Variants in PLXND1 observed in about 807,000 individuals in gnomAD.
PLXND1 encodes plexin-D1.
PLXND1 carries 54 observed loss-of-function variants against 197.7 expected under a neutral mutation model. That is an observed-to-expected ratio of 0.27 (90% CI 0.22 to 0.34). The LOEUF (loss-of-function observed/expected upper bound fraction) is 0.34. Ranked by LOEUF, PLXND1 falls within the 10% of genes least tolerant of loss-of-function variation. The probability of loss-of-function intolerance (pLI) is 1.00; values close to 1 mark genes in which losing one functional copy is unlikely to be tolerated. For missense variants in PLXND1, 2,127 were observed against 2,699.2 expected, an observed-to-expected ratio of 0.79 and a Z score of 4.70; for synonymous variants, 1,180 against 1,161.2, an observed-to-expected ratio of 1.02 and a Z score of -0.33.
Position 129,571,757 on chromosome 3 carries a change from G to T in PLXND1, c.3165C>A (p.Gly1055=), listed in dbSNP as rs142600075. ...VPVCVRFERR[G]CVHGNLTFWY... Reference sequence around the variant, plus strand: ...AGAAGGTGAGGTTGCCGTGCACGCAGCCCCGACGCTCGAAGCGCACACACA... The same window carrying T: ...AGAAGGTGAGGTTGCCGTGCACGCATCCCCGACGCTCGAAGCGCACACACA... The change falls in exon 16 of 36, where the codon GGC becomes GGA. Residue 1055 remains glycine (G), a synonymous_variant. Coordinates refer to ENST00000324093, the MANE Select transcript of PLXND1 (RefSeq NM_015103.3). The T allele has an allele frequency of 4.3e-6, 7 of 1,613,216 alleles. No homozygotes were observed. In the African/African-American group the frequency reaches 9.3e-5, roughly 22 times the overall value.
Position 129,575,334 on chromosome 3 carries a change from C to CTG in PLXND1, c.2530+133_2530+134dup, listed in dbSNP as rs1232065005. Reference sequence around the variant, plus strand: ...GGCATGGCAGGGCTGGGATATGAGGCTGTGTGTGTGCTGGAGAACAATGGG... The same window carrying CTG: ...GGCATGGCAGGGCTGGGATATGAGGCTGTGTGTGTGTGCTGGAGAACAATGGG... On this transcript the variant is annotated intron_variant, in intron 11 of 35. Transcript: ENST00000324093. 8 of 640,592 alleles carry CTG rather than the reference C, an allele frequency of 1.2e-5. No homozygotes were observed. In the African/African-American group the frequency reaches 1.4e-4, roughly 12 times the overall value. The allele number at this position is 640,592 out of a possible 1,614,324, so 39.7% of individuals were successfully genotyped here. A position where few individuals can be genotyped will look rare whatever the true frequency, so the allele number is the denominator to read the frequency against.
chr3:129,606,084 G>T lies in PLXND1; in HGVS notation c.556C>A (p.His186Asn). 20 of 1,555,990 alleles carry T rather than the reference G, an allele frequency of 1.3e-5. No homozygotes were observed. The highest frequency in any genetic ancestry group is 1.6e-5 in the Non-Finnish European group (19 of 1,156,950). The change falls in exon 1 of 36, where the codon CAC (histidine) becomes AAC (asparagine). Residue 186 changes from histidine (H) to asparagine (N), a missense_variant. By Grantham distance (68) the His-to-Asn change is moderately conservative. This residue lies in a region of PLXND1 where 2 missense variants were observed against 16.7 expected (regional missense o/e 0.12). Transcript: ENST00000324093. ...FPSMLNVAAN[H>N]PNASTVGLVL... is the part of the protein sequence containing the mutation. Reference sequence around the variant, plus strand: ...AGCCCCACGGTGGACGCGTTCGGGTGGTTGGCCGCCACGTTCAGCATGCTG... The same window carrying T: ...AGCCCCACGGTGGACGCGTTCGGGTTGTTGGCCGCCACGTTCAGCATGCTG...
Position 129,567,234 on chromosome 3 carries a change from C to A in PLXND1, c.4086+258G>T, listed in dbSNP as rs369156140. Among the ~76,000 whole-genome samples the A allele has an allele frequency of 1.2e-4, 19 of 152,214 alleles. No homozygotes were observed. In the East Asian group the frequency reaches 3.3e-3, roughly 26 times the overall value. ...CACCTTGAAAAGGGGAGAGGCAGGC[C>A]CAGCTGGCCAGGACAGCGGGGCTGC... On this transcript the variant is annotated intron_variant, in intron 22 of 35. Transcript: ENST00000324093.
rs372959593 is a variant in PLXND1, at chr3:129,572,834, C to A, written c.2937+8G>T. 4 of 1,612,858 alleles carry A rather than the reference C, an allele frequency of 2.5e-6. No homozygotes were observed. The African/African-American group carries it at 5.3e-5, about 22-fold the overall frequency. ...CGGGCCGGACAGTGGGCTGCAGCCC[C>A]CCCTTACCACGTAGGAGAAGCGGTC... On this transcript the variant is annotated splice_region_variant and intron_variant, in intron 14 of 35. Coordinates refer to ENST00000324093, the MANE Select transcript of PLXND1 (RefSeq NM_015103.3).
In PLXND1 at chr3:129,606,478, G is replaced by A. The variant is rs2085796544; in HGVS notation, c.162C>T (p.Pro54=). 15 of 1,432,166 alleles carry A rather than the reference G, an allele frequency of 1.0e-5. No individual in the cohort carries two copies. The highest frequency in any genetic ancestry group is 1.4e-5 in the Non-Finnish European group (15 of 1,095,948). 88.7% of individuals were successfully genotyped at this position (1,432,166 alleles called of 1,614,324 possible). Residue 54 remains proline (P), a synonymous_variant, in exon 1 of 36, where the codon CCC becomes CCT. Coordinates refer to ENST00000324093, the MANE Select transcript of PLXND1 (RefSeq NM_015103.3). ...AGALEIQRRF[P]SPTPTNNFAL... ...CGAAGTTGTTGGTGGGCGTGGGCGA[G>A]GGGAACCGACGCTGGATCTCCAGGG...
intron 5 of PLXND1, among the ~76,000 whole-genome samples, chr3:129,585,695 T>A (rs2085448957): frequency 6.6e-6 from 1 of 152,166 alleles, no homozygotes; most frequent in African/African-American, 2.4e-5. Context: ...AGTTTCCCCA[T>A]CTGTAAAATG....
rs1265539998 is a variant in PLXND1 at position 129,557,176 on chromosome 3, G to A, written c.5493C>T (p.Tyr1831=). 1.9e-6 allele frequency: 3 copies of A among 1,614,028 alleles called. No individual in the cohort carries two copies. In the Admixed American group the frequency reaches 5.0e-5, roughly 27 times the overall value. The change falls in exon 34 of 36, where the codon TAC becomes TAT. Residue 1831 remains tyrosine, a synonymous_variant. Transcript: ENST00000324093. This position sits in a 1 kb window ranked among gnomAD's most constrained non-coding sequence, Gnocchi z 4.8. ...KLLYAKEIPE[Y]RKIVQRYYKQ... ...TGTAGTAGCGCTGCACGATCTTCCG[G>A]TACTCAGGAATCTCCTTGGCGTAGA...
chr3:129,558,379 C>T lies in PLXND1; in HGVS notation c.5445+49G>A. On this transcript the variant is annotated intron_variant, in intron 33 of 35. Coordinates refer to ENST00000324093, the MANE Select transcript of PLXND1 (RefSeq NM_015103.3). This position sits in a 1 kb window ranked among gnomAD's most constrained non-coding sequence, Gnocchi z 4.1. ...GAGGAGGCTACCCATGGTCGGCACC[C>T]CACTCTGGCCCTGTGCATGGGCCTG... The T allele has an allele frequency of 6.4e-7, 1 of 1,572,626 alleles. No individual in the cohort carries two copies. Among genetic ancestry groups the T allele is most frequent in the Non-Finnish European group, 8.7e-7 (1 of 1,152,464 alleles).
At position 129,560,701 on chromosome 3, in the gene PLXND1, C is replaced by T; in HGVS notation, c.5016G>A (p.Lys1672=). Residue 1672 remains lysine (K), a synonymous_variant, in exon 30 of 36, where the codon AAG becomes AAA. Transcript: ENST00000324093. The part of the protein sequence containing the change: ...LGRVKDLDTE[K]YFHLVLPTDE... ...GTTGGGCACTCACCAAATGGAAATACTTCTCTGTGTCCAAGTCTTTCACTG... is the reference window on the plus strand; with the variant it reads ...GTTGGGCACTCACCAAATGGAAATATTTCTCTGTGTCCAAGTCTTTCACTG... 1 of 1,604,292 alleles carries T rather than the reference C, an allele frequency of 6.2e-7. No homozygotes were observed. The highest frequency in any genetic ancestry group is 1.3e-5 in the African/African-American group (1 of 74,820).
At chr3:129,571,427 A>G in intron 17 of PLXND1, 82 bp downstream of exon 17, 1 of 1,516,546 alleles carries the variant, frequency 6.6e-7, no homozygotes, top group Non-Finnish European at 9.1e-7. Flanking sequence ...ACAGAGATGC[A>G]GTGGGAGGAG....
At chr3:129,569,218 G>A (rs577156325) in intron 20 of PLXND1, 1 of 151,690 alleles carries the variant, frequency 6.6e-6, no homozygotes, top group Non-Finnish European at 1.5e-5. Context: ...CATTTGGGTT[G>A]TTTTGACTTC....
chr3:129,557,019 C>G lies in PLXND1; in HGVS notation c.5586+64G>C. The G allele has an allele frequency of 2.5e-6, 4 of 1,571,886 alleles. No homozygotes were observed. The highest frequency in any genetic ancestry group is 3.5e-6 in the Non-Finnish European group (4 of 1,154,014). On this transcript the variant is annotated intron_variant, in intron 34 of 35. Coordinates refer to ENST00000324093, the MANE Select transcript of PLXND1 (RefSeq NM_015103.3). The surrounding 1 kb of genome is among the most constrained non-coding windows in gnomAD (Gnocchi z 4.8). ...TTACTCCAGTGGAGGCATTGAGGCC[C>G]AGCCCCCGACCCCCGATCCCTCAGC... is the stretch of plus-strand genomic sequence containing the variant.
chr3:129,563,579 C>T (rs144563718), intron 25 of PLXND1, among the ~76,000 whole-genome samples: 1,571 of 152,376 alleles, frequency 0.01, 14 homozygotes, highest in Middle Eastern at 0.037. Context: ...AGGAATCGGA[C>T]CTGGCTCGGC....
rs1324426844 is a variant in PLXND1 at position 129,570,915 on chromosome 3, C to G, written c.3621G>C (p.Gly1207=). The G allele has an allele frequency of 6.2e-7, 1 of 1,614,208 alleles. No individual in the cohort carries two copies. The stretch of plus-strand genomic sequence containing the variant: ...TGACCCGGTACTCGTGACTCTGGAG[C>G]CCCAGGCTGTCCTGCTCCTTCTGTG... The part of the protein sequence containing the change: ...LVIHKEQDSL[G]LQSHEYRVKI... Residue 1207 remains glycine, a synonymous_variant, in exon 19 of 36, where the codon GGG becomes GGC. Coordinates refer to ENST00000324093, the MANE Select transcript of PLXND1 (RefSeq NM_015103.3).
At chr3:129,566,180 G>A in intron 23 of PLXND1, 163 bp from the exon 24 acceptor site, 2 of 696,546 alleles carry the variant, frequency 2.9e-6, no homozygotes, top group Non-Finnish European at 4.8e-6. Flanking sequence ...ACAATAGCTT[G>A]GTTGAATTGA....
At chr3:129,576,694 C>A (rs1483839776) in intron 9 of PLXND1, among the ~76,000 whole-genome samples, 1 of 152,198 alleles carries the variant, frequency 6.6e-6, no homozygotes, top group African/African-American at 2.4e-5. Flanking sequence ...CAAGTTGACC[C>A]CTTCTCTGAG....
chr3:129,589,575 G>A (rs753886658), intron 1 of PLXND1, 48 bp from the exon 2 acceptor site: 15 of 1,474,128 alleles, frequency 1.0e-5, no homozygotes, highest in Non-Finnish European at 1.3e-5. Context: ...ACCTTCTCCG[G>A]CTCCCCGCCC....
chr3:129,560,339 G>T lies in PLXND1; in HGVS notation c.5124C>A (p.Leu1708=). ...CTGAGGCCGGACTCACCTTGGTGGA[G>T]AGCAGGCGGGTCAGGTAGATTTCCG... The part of the protein sequence containing the change: ...VLPEIYLTRL[L]STKGTLQKFL... The change falls in exon 31 of 36, where the codon CTC becomes CTA. Residue 1708 remains leucine (L), a synonymous_variant. Coordinates refer to ENST00000324093, the MANE Select transcript of PLXND1 (RefSeq NM_015103.3). 6.2e-7 allele frequency: 1 copy of T among 1,607,544 alleles called. No individual in the cohort carries two copies. Among genetic ancestry groups the T allele is most frequent in the Non-Finnish European group, 8.5e-7 (1 of 1,173,934 alleles).
chr3:129,556,494 C>A, intron 35 of PLXND1, 66 bp from the exon 36 acceptor site: 1 of 1,396,580 alleles, frequency 7.2e-7, no homozygotes. Flanking sequence ...TGGGAGAGAA[C>A]ACACCCCTGA....
Sources: gnomAD v4.1 joint callset for allele counts (sites outside exome capture counted in the v4.1 genomes callset) on GRCh38, gnomAD v4.1.1 for gene constraint, gnomAD v4.1.1 regional missense constraint, Gnocchi (gnomAD v3.1) non-coding constraint, MANE v1.5 for transcripts, NCBI Gene and HGNC (gene_info 2026-07-23, HGNC 2026-07-21) for gene names.